The following BAALC variants were observed in gnomAD, a reference collection of about 807,000 sequenced individuals.
The protein encoded by BAALC is brain and acute leukemia cytoplasmic protein.
Under a neutral mutation model 15.5 loss-of-function variants are expected in BAALC, and 9 were observed. The ratio of observed to expected loss-of-function variants is 0.58; its 90% CI spans 0.35 to 1.02. The LOEUF (loss-of-function observed/expected upper bound fraction) is 1.02. BAALC is among the 50% of genes least tolerant of loss of function. The probability of loss-of-function intolerance (pLI) is 0.02; values close to 1 mark genes in which losing one functional copy is unlikely to be tolerated. For missense variants in BAALC, 201 were observed against 192.4 expected (o/e 1.04, Z -0.27); for synonymous variants, 80 against 74.6 (o/e 1.07, Z -0.37).
chr8:103,141,130 G>A, intron 1 of BAALC, 73 bp downstream of exon 1: 14 of 1,365,130 alleles, frequency 1.0e-5, no homozygotes, highest in Non-Finnish European at 1.3e-5. Context: ...ACTGAGAGAG[G>A]AGCCGGTTCC....
Position 103,198,113 on chromosome 8 carries a change from C to CA in BAALC, c.161-14805dup, listed in dbSNP as rs1280790981. 4.3e-6 allele frequency: 3 copies of CA among 702,012 alleles called. No homozygotes were observed. The Admixed American group carries it at 6.0e-5, about 14-fold the overall frequency. 43.5% of individuals were successfully genotyped at this position (702,012 alleles called of 1,614,324 possible). On this transcript the variant is annotated intron_variant, in intron 1 of 2. Coordinates refer to ENST00000309982, the MANE Select transcript of BAALC (RefSeq NM_024812.3). Reference sequence around the variant, plus strand: ...TGTACTGTTAGGGTGCCTTGAGGAACATTACCATCTGACTGCCCTACAGAA... The same window carrying CA: ...TGTACTGTTAGGGTGCCTTGAGGAACAATTACCATCTGACTGCCCTACAGAA...
chr8:103,220,079 T>A (rs1280410036), intron 2 of BAALC, among the ~76,000 whole-genome samples: 1 of 152,184 alleles, frequency 6.6e-6, no homozygotes, highest in Non-Finnish European at 1.5e-5. Context: ...GTGTTCAAAT[T>A]CAAACCCAGG....
At chr8:103,224,944 A>T (rs900766737) in intron 2 of BAALC, among the ~76,000 whole-genome samples, 1 of 152,102 alleles carries the variant, frequency 6.6e-6, no homozygotes, top group Non-Finnish European at 1.5e-5. Flanking sequence ...GGGCAAGATT[A>T]AAAAAAATCA....
intron 2 of BAALC, among the ~76,000 whole-genome samples, chr8:103,227,429 T>C (rs575521019): frequency 6.6e-6 from 1 of 152,298 alleles, no homozygotes; most frequent in East Asian, 1.9e-4. Flanking sequence ...AAGAAATTCC[T>C]TGTGGGCCCT....
At chr8:103,150,877 C>A (rs530387895) in intron 1 of BAALC, among the ~76,000 whole-genome samples, 3 of 152,160 alleles carry the variant, frequency 2.0e-5, no homozygotes, top group Non-Finnish European at 2.9e-5. Context: ...CAATTTCATA[C>A]ACTTCCTCCC....
intron 1 of BAALC, among the ~76,000 whole-genome samples, chr8:103,151,527 C>T (rs906276606): frequency 6.6e-6 from 1 of 152,134 alleles, no homozygotes; most frequent in Non-Finnish European, 1.5e-5. Context: ...GCTTGTCATG[C>T]CAATCTCAAA....
chr8:103,160,186 G>T (rs1025825815), intron 1 of BAALC, among the ~76,000 whole-genome samples: 1 of 152,156 alleles, frequency 6.6e-6, no homozygotes, highest in Non-Finnish European at 1.5e-5. Context: ...AGCAAGGAAA[G>T]AATGAAGGGA....
chr8:103,199,400 T>C (rs1226270233), intron 1 of BAALC, among the ~76,000 whole-genome samples: 1 of 152,320 alleles, frequency 6.6e-6, no homozygotes, highest in East Asian at 1.9e-4. Context: ...TTTCAGTAAT[T>C]CTTCAATAAG....
At chr8:103,170,329 T>C (rs1811453850) in intron 1 of BAALC, among the ~76,000 whole-genome samples, 1 of 152,142 alleles carries the variant, frequency 6.6e-6, no homozygotes, top group Admixed American at 6.6e-5. Flanking sequence ...AGTAGAATTG[T>C]ATCCCCCAGA....
chr8:103,213,209 A>C, intron 2 of BAALC, 124 bp downstream of exon 2: 1 of 1,106,818 alleles, frequency 9.0e-7, no homozygotes. Flanking sequence ...GGAAAAAAAA[A>C]GTCTCTGCCC....
In BAALC at chr8:103,229,826, A is replaced by G. The variant is rs994191888; in HGVS notation, c.*1727A>G. On this transcript the variant is annotated 3_prime_UTR_variant, in exon 3 of 3. Transcript: ENST00000309982. ...TTGAGAAAGGGCTTTTAGGAACTTTATGTTCTAAAAAATGTTTTTAACAAT... is the reference window on the plus strand; with the variant it reads ...TTGAGAAAGGGCTTTTAGGAACTTTGTGTTCTAAAAAATGTTTTTAACAAT... 5 of 152,216 alleles carry G rather than the reference A, an allele frequency of 3.3e-5. No homozygotes were observed. The highest frequency in any genetic ancestry group is 1.2e-4 in the African/African-American group (5 of 41,454). 9.4% of individuals were successfully genotyped at this position (152,216 alleles called of 1,614,324 possible).
chr8:103,190,071 G>A (rs1361973762), intron 1 of BAALC, among the ~76,000 whole-genome samples: 1 of 152,158 alleles, frequency 6.6e-6, no homozygotes, highest in African/African-American at 2.4e-5. Flanking sequence ...AGGGAATGAA[G>A]GAGAAGGGAA....
At chr8:103,174,867 T>C (rs767202836) in intron 1 of BAALC, among the ~76,000 whole-genome samples, 2 of 152,166 alleles carry the variant, frequency 1.3e-5, no homozygotes, top group African/African-American at 2.4e-5. Flanking sequence ...TCTGTTACAA[T>C]AGCAAAAGCA....
chr8:103,213,198 TG>T, intron 2 of BAALC, 113 bp downstream of exon 2: 3 of 1,222,188 alleles, frequency 2.5e-6, no homozygotes, highest in Non-Finnish European at 3.3e-6. Context: ...TGGCTCATCT[TG>T]GAAAAAAAAA....
chr8:103,164,670 T>C (rs1811305959), intron 1 of BAALC, among the ~76,000 whole-genome samples: 1 of 152,194 alleles, frequency 6.6e-6, no homozygotes, highest in South Asian at 2.1e-4. Flanking sequence ...CTCTATGTAT[T>C]TAGTCTTGCA....
chr8:103,162,958 T>C (rs932476355), intron 1 of BAALC, among the ~76,000 whole-genome samples: 1 of 152,178 alleles, frequency 6.6e-6, no homozygotes. Flanking sequence ...TGGGTCCAGA[T>C]AGATTCCTGC....
At position 103,228,236 on chromosome 8, in the gene BAALC, CT is replaced by C. The variant is rs1812849028; in HGVS notation, c.*138del. On this transcript the variant is annotated 3_prime_UTR_variant, in exon 3 of 3. Coordinates refer to ENST00000309982, the MANE Select transcript of BAALC (RefSeq NM_024812.3). ...TGAGTCCCTGGCAAGACTGTCTTAC[CT>C]GGCAGCAAACTGCTGCCTGATTTGT... is the stretch of plus-strand genomic sequence containing the variant. 13 of 630,830 alleles carry C rather than the reference CT, an allele frequency of 2.1e-5. No homozygotes were observed. The highest frequency in any genetic ancestry group is 3.3e-5 in the Non-Finnish European group (12 of 361,570). The allele number at this position is 630,830 out of a possible 1,614,324, so 39.1% of individuals were successfully genotyped here.
intron 1 of BAALC, among the ~76,000 whole-genome samples, chr8:103,186,910 T>A (rs1335597592): frequency 1.3e-5 from 2 of 152,196 alleles, no homozygotes; most frequent in Non-Finnish European, 2.9e-5. Flanking sequence ...ATAAATGAGC[T>A]GACATGGAAA....
intron 2 of BAALC, among the ~76,000 whole-genome samples, chr8:103,224,184 A>G (rs950993239): frequency 1.3e-5 from 2 of 152,060 alleles, no homozygotes; most frequent in East Asian, 1.9e-4. Flanking sequence ...AAATGAAGTA[A>G]CTACTGTTGA....
Sources: allele counts gnomAD v4.1 joint callset (sites outside exome capture counted in the v4.1 genomes callset), GRCh38; gene constraint gnomAD v4.1.1; transcripts MANE v1.5; gene names NCBI Gene and HGNC (gene_info 2026-07-23, HGNC 2026-07-21).